The following PHF24 variants were observed in gnomAD, a reference collection of about 807,000 sequenced individuals.
PHF24 encodes Galpha inhibitory interacting protein.
Under a neutral mutation model 42.6 loss-of-function variants are expected in PHF24, and 25 were observed. The ratio of observed to expected loss-of-function variants is 0.59; its 90% CI spans 0.43 to 0.82. The LOEUF (loss-of-function observed/expected upper bound fraction) is 0.82, where lower values mean the gene tolerates loss of function less well. PHF24 is among the 40% of genes least tolerant of loss of function. The pLI, the probability that PHF24 is intolerant of heterozygous loss-of-function variation, is 0.00. For missense variants in PHF24, 470 were observed against 538.1 expected, an observed-to-expected ratio of 0.87 and a Z score of 1.25; for synonymous variants, 185 against 204.8, an observed-to-expected ratio of 0.90 and a Z score of 0.83.
the PHF24 span, among the ~76,000 whole-genome samples, chr9:34,752,395 G>T: frequency 6.6e-6 from 1 of 152,068 alleles, no homozygotes; most frequent in East Asian, 1.9e-4. Flanking sequence ...ATCATTAGAG[G>T]CTACTAGGGG....
the PHF24 span, among the ~76,000 whole-genome samples, chr9:34,949,194 A>G: frequency 1.3e-5 from 2 of 152,300 alleles, no homozygotes; most frequent in African/African-American, 4.8e-5. Context: ...TTTAAAGAGC[A>G]CTCCATCCAA....
the PHF24 span, among the ~76,000 whole-genome samples, chr9:34,907,823 T>C: frequency 2.2e-4 from 33 of 152,160 alleles, no homozygotes; most frequent in African/African-American, 7.7e-4. Flanking sequence ...TTGTTTTTTG[T>C]TTTTTGTTTT....
At chr9:34,817,534 C>T in the PHF24 span, among the ~76,000 whole-genome samples, 6 of 152,130 alleles carry the variant, frequency 3.9e-5, no homozygotes, top group African/African-American at 1.4e-4. Flanking sequence ...CTTATATCTT[C>T]TTTTTGTGGG....
At chr9:34,882,206 C>T in the PHF24 span, among the ~76,000 whole-genome samples, 2 of 152,110 alleles carry the variant, frequency 1.3e-5, no homozygotes, top group African/African-American at 2.4e-5. Context: ...ATTGATGGGA[C>T]GTATCTCAAA....
the PHF24 span, chr9:34,832,808 A>G: frequency 6.4e-7 from 1 of 1,551,482 alleles, no homozygotes; most frequent in Non-Finnish European, 8.7e-7. Flanking sequence ...GACCCTGTGA[A>G]GCTGGGGCAC....
the PHF24 span, chr9:34,723,729 A>G: frequency 6.4e-7 from 1 of 1,551,708 alleles, no homozygotes; most frequent in South Asian, 1.2e-5. Flanking sequence ...TGGCTCAGGA[A>G]AGGCTGACCC....
At chr9:34,917,263 A>G in the PHF24 span, 2 of 1,105,552 alleles carry the variant, frequency 1.8e-6, no homozygotes, top group African/African-American at 1.5e-5. Context: ...CGGGTCATGT[A>G]TATCTGGATC....
At chr9:34,752,431 A>G in the PHF24 span, among the ~76,000 whole-genome samples, 2 of 152,198 alleles carry the variant, frequency 1.3e-5, no homozygotes, top group Non-Finnish European at 2.9e-5. Flanking sequence ...AAATGGGAAA[A>G]CCTAGGAGAA....
At chr9:34,731,401 T>C in the PHF24 span, among the ~76,000 whole-genome samples, 1 of 152,330 alleles carries the variant, frequency 6.6e-6, no homozygotes, top group Non-Finnish European at 1.5e-5. Flanking sequence ...ATTTTTTGTA[T>C]ACATTAACCA....
At chr9:34,803,706 A>C in the PHF24 span, among the ~76,000 whole-genome samples, 1,712 of 152,304 alleles carry the variant, frequency 0.011, 15 homozygotes, top group Middle Eastern at 0.037. Context: ...TGCCATCCCC[A>C]ACTGGAATAG....
At chr9:34,951,215 T>G in the PHF24 span, among the ~76,000 whole-genome samples, 2 of 152,308 alleles carry the variant, frequency 1.3e-5, no homozygotes, top group Middle Eastern at 3.4e-3. Flanking sequence ...AGGTTTTGGC[T>G]GGCCTGTATT....
chr9:34,823,693 C>T, the PHF24 span, among the ~76,000 whole-genome samples: 1 of 152,126 alleles, frequency 6.6e-6, no homozygotes, highest in Non-Finnish European at 1.5e-5. Flanking sequence ...GGATGAAAAA[C>T]TAGGTCAGAA....
the PHF24 span, among the ~76,000 whole-genome samples, chr9:34,909,038 T>C: frequency 6.9e-4 from 105 of 151,252 alleles, no homozygotes; most frequent in Middle Eastern, 3.4e-3. Flanking sequence ...TTAGTAGAGA[T>C]GGGGTTTCAC....
chr9:34,771,937 A>G, the PHF24 span, among the ~76,000 whole-genome samples: 1 of 152,206 alleles, frequency 6.6e-6, no homozygotes, highest in East Asian at 1.9e-4. Context: ...GAGACATGCT[A>G]GGATTTAAGA....
At chr9:34,903,819 G>T in the PHF24 span, among the ~76,000 whole-genome samples, 3 of 152,124 alleles carry the variant, frequency 2.0e-5, no homozygotes, top group Non-Finnish European at 4.4e-5. Context: ...AGATTGATGT[G>T]TTTCCATTTG....
chr9:34,753,311 T>C, the PHF24 span, among the ~76,000 whole-genome samples: 111 of 152,162 alleles, frequency 7.3e-4, no homozygotes, highest in Non-Finnish European at 1.2e-3. Context: ...AGTGGTAAGA[T>C]ACAAAATCAA....
the PHF24 span, among the ~76,000 whole-genome samples, chr9:34,831,068 T>C: frequency 2.6e-5 from 4 of 152,222 alleles, no homozygotes; most frequent in African/African-American, 9.6e-5. Flanking sequence ...TTGTGGTCAC[T>C]TTCTGTGTTA....
chr9:34,916,124 A>G, the PHF24 span, among the ~76,000 whole-genome samples: 1 of 152,202 alleles, frequency 6.6e-6, no homozygotes, highest in African/African-American at 2.4e-5. Flanking sequence ...ACCTCTTTAT[A>G]AAGTACCCAG....
chr9:34,708,256 C>G, the PHF24 span, among the ~76,000 whole-genome samples: 1 of 152,046 alleles, frequency 6.6e-6, no homozygotes, highest in Non-Finnish European at 1.5e-5. Flanking sequence ...CCCCAGGAGA[C>G]TTATTCCTTG....
Sources: allele counts gnomAD v4.1 joint callset (sites outside exome capture counted in the v4.1 genomes callset), GRCh38; gene constraint gnomAD v4.1.1; transcripts MANE v1.5; gene names NCBI Gene and HGNC (gene_info 2026-07-23, HGNC 2026-07-21).